Variants in DISP1 observed in about 807,000 individuals in gnomAD.
DISP1 encodes protein dispatched homolog 1.
DISP1 carries 30 observed loss-of-function variants against 37.3 expected under a neutral mutation model. The ratio of observed to expected loss-of-function variants is 0.80; its 90% CI spans 0.60 to 1.09. The LOEUF is 1.09. DISP1 is among the 50% of genes least tolerant of loss of function. DISP1 has a pLI of 0.00. For synonymous variants in DISP1, 634 were observed against 690.2 expected, an observed-to-expected ratio of 0.92 and a Z score of 1.28; for missense variants, 1,598 against 1,879.5, an observed-to-expected ratio of 0.85 and a Z score of 2.77.
chr1:222,875,419 C>G (rs913724849), intron 1 of DISP1, among the ~76,000 whole-genome samples: 1 of 151,898 alleles, frequency 6.6e-6, no homozygotes, highest in Non-Finnish European at 1.5e-5. Flanking sequence ...AAATATACTA[C>G]AAATTATTGT....
At position 223,003,280 on chromosome 1, in the gene DISP1, C is replaced by T. The variant is rs778865083; in HGVS notation, c.1883C>T (p.Thr628Ile). The T allele has an allele frequency of 1.9e-6, 3 of 1,614,202 alleles. No homozygotes were observed. Among genetic ancestry groups the T allele is most frequent in the South Asian group, 2.2e-5 (2 of 91,088 alleles). ...TATGCTAACTATGTTAGCAACATTA[C>T]AGCAATCCGATGCTTTGGGGTTTAT... ...AFYANYVSNI[T>I]AIRCFGVYAG... The change falls in exon 9 of 9, where the codon ACA (threonine) becomes ATA (isoleucine). Residue 628 changes from threonine to isoleucine, a missense_variant. Physicochemically the swap from Thr to Ile is moderately conservative, Grantham distance 89. Transcript: ENST00000675850. The surrounding 1 kb of genome is among the most constrained non-coding windows in gnomAD (Gnocchi z 4.3).
intron 1 of DISP1, among the ~76,000 whole-genome samples, chr1:222,912,122 C>G (rs983272498): frequency 6.6e-6 from 1 of 152,036 alleles, no homozygotes; most frequent in Non-Finnish European, 1.5e-5. Flanking sequence ...TAAGCTCTTA[C>G]TAATGTGCTT....
At chr1:222,854,891 C>T (rs1668467139) in intron 1 of DISP1, among the ~76,000 whole-genome samples, 1 of 151,828 alleles carries the variant, frequency 6.6e-6, no homozygotes. Context: ...TCTTTAGAGA[C>T]CTAACAGTTA....
rs1264892131 is a variant in DISP1 at position 222,819,529 on chromosome 1, CACACAT to C, written c.-159+4453_-159+4458del. Reference sequence around the variant, plus strand: ...TGTTATATACATACACACACACACACACACATATCTTTTTTTTTTTTTTTTTTTGAC... The same window carrying C: ...TGTTATATACATACACACACACACACATCTTTTTTTTTTTTTTTTTTTGAC... On this transcript the variant is annotated intron_variant, in intron 1 of 8. Transcript: ENST00000675850. Among the ~76,000 whole-genome samples the C allele has an allele frequency of 4.5e-4, 62 of 136,526 alleles. No homozygotes were observed. In the South Asian group the frequency reaches 0.013, roughly 28 times the overall value. 89.6% of individuals were successfully genotyped at this position (136,526 alleles called of 152,430 possible).
At chr1:222,966,512 G>A (rs1331112270) in intron 3 of DISP1, among the ~76,000 whole-genome samples, 1 of 152,162 alleles carries the variant, frequency 6.6e-6, no homozygotes, top group Non-Finnish European at 1.5e-5. Flanking sequence ...TCATTTTTAT[G>A]TATTTTCATA....
At chr1:222,899,392 T>C (rs1232106664) in intron 1 of DISP1, among the ~76,000 whole-genome samples, 3 of 152,232 alleles carry the variant, frequency 2.0e-5, no homozygotes, top group Non-Finnish European at 2.9e-5. Context: ...ATTTTCAAGT[T>C]GGTGAAATGG....
chr1:222,936,130 A>T (rs1188282465), intron 2 of DISP1, among the ~76,000 whole-genome samples: 2 of 152,180 alleles, frequency 1.3e-5, no homozygotes, highest in Non-Finnish European at 2.9e-5. Context: ...CCTGCATTAC[A>T]GTTGTCTACA....
At chr1:222,833,430 C>G (rs979511277) in intron 1 of DISP1, among the ~76,000 whole-genome samples, 1 of 152,150 alleles carries the variant, frequency 6.6e-6, no homozygotes, top group Non-Finnish European at 1.5e-5. Flanking sequence ...CTCTAGTACC[C>G]TACATATTTA....
At position 222,992,082 on chromosome 1, in the gene DISP1, C is replaced by G. The variant is rs1282096561; in HGVS notation, c.861C>G (p.His287Gln). The G allele has an allele frequency of 6.2e-7, 1 of 1,613,714 alleles. No individual in the cohort carries two copies. Among genetic ancestry groups the G allele is most frequent in the Non-Finnish European group, 8.5e-7 (1 of 1,179,814 alleles). ...AAAGAGAAGTTGACTGGAACTTCCA[C>G]AAGGACAGCTTTTTCTGCGACGTTC... ...REKREVDWNF[H>Q]KDSFFCDVPS... The change falls in exon 7 of 9, where the codon CAC becomes CAG. Residue 287 changes from histidine to glutamine, a missense_variant. Coordinates refer to ENST00000675850, the MANE Select transcript of DISP1 (RefSeq NM_001377229.1).
At chr1:222,950,380 C>A (rs758446637) in intron 3 of DISP1, among the ~76,000 whole-genome samples, 2 of 152,196 alleles carry the variant, frequency 1.3e-5, no homozygotes, top group Non-Finnish European at 2.9e-5. Flanking sequence ...GCAGGCGGAT[C>A]ATGAGGTCAG....
At chr1:222,818,542 ATTTAT>A (rs1220783262) in intron 1 of DISP1, among the ~76,000 whole-genome samples, 1 of 152,176 alleles carries the variant, frequency 6.6e-6, no homozygotes, top group African/African-American at 2.4e-5. Context: ...TTTAAAAGAG[ATTTAT>A]TTTAAGAAAT....
intron 2 of DISP1, among the ~76,000 whole-genome samples, chr1:222,937,758 A>G (rs963634038): frequency 1.3e-5 from 2 of 150,002 alleles, no homozygotes; most frequent in Non-Finnish European, 2.9e-5. Context: ...TGGTGTGGGC[A>G]CATCACATCT....
chr1:223,000,245 T>C (rs1679339818), intron 8 of DISP1, among the ~76,000 whole-genome samples: 1 of 152,210 alleles, frequency 6.6e-6, no homozygotes, highest in African/African-American at 2.4e-5. Context: ...TTACCTTTCA[T>C]TCAGTTCATC....
rs748388363 is a variant in DISP1 at position 223,003,955 on chromosome 1, T to A, written c.2558T>A (p.Ile853Asn). The change falls in exon 9 of 9, where the codon ATT becomes AAT. Residue 853 changes from isoleucine (I) to asparagine (N), a missense_variant. By Grantham distance (149) the Ile-to-Asn change is moderately radical. Coordinates refer to ENST00000675850, the MANE Select transcript of DISP1 (RefSeq NM_001377229.1). The surrounding 1 kb of genome is among the most constrained non-coding windows in gnomAD (Gnocchi z 4.3). The part of the protein sequence containing the change: ...TDEQDFTSCF[I>N]ETFKQWMENQ... ...GAACAGGACTTCACCAGCTGCTTCA[T>A]TGAGACATTCAAACAGTGGATGGAA... The A allele has an allele frequency of 1.9e-6, 3 of 1,614,062 alleles. No individual in the cohort carries two copies. Among genetic ancestry groups the A allele is most frequent in the Non-Finnish European group, 2.5e-6 (3 of 1,180,044 alleles).
At chr1:222,881,515 G>A (rs188724975) in intron 1 of DISP1, among the ~76,000 whole-genome samples, 2 of 152,244 alleles carry the variant, frequency 1.3e-5, no homozygotes, top group East Asian at 3.9e-4. Flanking sequence ...TGGTAAAGTA[G>A]CGCTTTAGTT....
chr1:222,998,978 G>A (rs966303747), intron 8 of DISP1, among the ~76,000 whole-genome samples: 12 of 152,050 alleles, frequency 7.9e-5, no homozygotes, highest in Non-Finnish European at 1.3e-4. Context: ...AGGAGGGTCC[G>A]GCAGTCAATT....
At position 222,957,392 on chromosome 1, in the gene DISP1, C is replaced by A. The variant is rs1053826615; in HGVS notation, c.509+14060C>A. 4.4e-4 allele frequency among the ~76,000 whole-genome samples: 67 copies of A among 152,184 alleles called. 1 individual carries two copies. The highest frequency in any genetic ancestry group is 1.9e-3 in the East Asian group (10 of 5,166). ...TCACTTGAGGTCAGGAGTTCAAGAC[C>A]AGCCTGACCAACATAGTGAAATCCC... On this transcript the variant is annotated intron_variant, in intron 3 of 8. Coordinates refer to ENST00000675850, the MANE Select transcript of DISP1 (RefSeq NM_001377229.1).
At chr1:222,933,533 A>C (rs1480630564) in intron 2 of DISP1, among the ~76,000 whole-genome samples, 1 of 151,974 alleles carries the variant, frequency 6.6e-6, no homozygotes, top group Non-Finnish European at 1.5e-5. Context: ...GCTAACTAAT[A>C]CCTAGTAGGC....
At chr1:222,848,654 C>G (rs1668053522) in intron 1 of DISP1, among the ~76,000 whole-genome samples, 1 of 152,128 alleles carries the variant, frequency 6.6e-6, no homozygotes, top group Non-Finnish European at 1.5e-5. Context: ...AATACCTGTG[C>G]AGCACCTCAC....
Sources: allele counts gnomAD v4.1 joint callset (sites outside exome capture counted in the v4.1 genomes callset), GRCh38; gene constraint gnomAD v4.1.1; non-coding constraint Gnocchi (gnomAD v3.1); transcripts MANE v1.5; gene names NCBI Gene and HGNC (gene_info 2026-07-23, HGNC 2026-07-21).